The following GALNT9 variants were observed in gnomAD, a reference collection of about 807,000 sequenced individuals.
GALNT9 encodes the protein GalNAc transferase 9.
In GALNT9, 47 loss-of-function variants were observed where a neutral mutation model predicts 63.1. The ratio of observed to expected loss-of-function variants is 0.75; its 90% CI spans 0.59 to 0.95. The LOEUF is 0.95. Among genes scored for constraint, GALNT9 ranks in the 40% least tolerant of loss-of-function variants. The pLI is 0.00. For missense variants in GALNT9, 829 were observed against 874.8 expected, an observed-to-expected ratio of 0.95 and a Z score of 0.66; for synonymous variants, 396 against 365.7, an observed-to-expected ratio of 1.08 and a Z score of -0.94.
At chr12:132,220,531 C>T (rs1469740994) in intron 6 of GALNT9, among the ~76,000 whole-genome samples, 1 of 152,224 alleles carries the variant, frequency 6.6e-6, no homozygotes, top group African/African-American at 2.4e-5. Context: ...CAGTCAGTAA[C>T]TTGAGAAACC....
At position 132,307,336 on chromosome 12, in the gene GALNT9, T is replaced by C. The variant is rs552085489; in HGVS notation, c.239-20906A>G. ...AGTTAACAAATACGCACTGGGTCTA[T>C]CTAGATCTGTTCATTAGGCAGGACA... On this transcript the variant is annotated intron_variant, in intron 1 of 10. Transcript: ENST00000328957. Among the ~76,000 whole-genome samples, 42 of 152,312 alleles carry C rather than the reference T, an allele frequency of 2.8e-4. 1 individual carries two copies. In the South Asian group the frequency reaches 8.3e-3, roughly 30 times the overall value.
chr12:132,326,834 T>C (rs567467414), intron 1 of GALNT9, among the ~76,000 whole-genome samples: 1 of 152,328 alleles, frequency 6.6e-6, no homozygotes, highest in Non-Finnish European at 1.5e-5. Flanking sequence ...CTTTTAGCAC[T>C]GAGAGCCTGT....
chr12:132,244,066 A>T (rs1878594017), intron 6 of GALNT9, among the ~76,000 whole-genome samples: 1 of 150,052 alleles, frequency 6.7e-6, no homozygotes, highest in Non-Finnish European at 1.5e-5. Context: ...GCAGTTCTCG[A>T]CACCGGCAGA....
chr12:132,295,049 C>T (rs1881002254), intron 1 of GALNT9, among the ~76,000 whole-genome samples: 1 of 152,254 alleles, frequency 6.6e-6, no homozygotes. Context: ...AAGACCAAAT[C>T]CCTCTAAACG....
Position 132,329,240 on chromosome 12 carries a change from T to A in GALNT9, c.-37A>T. On this transcript the variant is annotated 5_prime_UTR_variant, in exon 1 of 11. The change abolishes an upstream ATG in the 5' untranslated region. Transcript: ENST00000328957. ...CAGCGGGGGCCTCACCCGCGGGGCA[T>A]CCCCAGCATCCCCGCCCGGGCCTGG... The A allele has an allele frequency of 6.6e-7, 1 of 1,522,966 alleles. No individual in the cohort carries two copies. Among genetic ancestry groups the A allele is most frequent in the Non-Finnish European group, 8.9e-7 (1 of 1,129,380 alleles). 94.3% of individuals were successfully genotyped at this position (1,522,966 alleles called of 1,614,324 possible). A position where few individuals can be genotyped will look rare whatever the true frequency, so the allele number is the denominator to read the frequency against.
chr12:132,264,541 C>T (rs916665673), intron 2 of GALNT9, among the ~76,000 whole-genome samples: 2 of 152,368 alleles, frequency 1.3e-5, no homozygotes, highest in South Asian at 2.1e-4. Flanking sequence ...CTCAGGAAGG[C>T]CTGTCCGCAT....
intron 6 of GALNT9, among the ~76,000 whole-genome samples, chr12:132,243,425 C>G (rs1878545675): frequency 6.6e-6 from 1 of 152,076 alleles, no homozygotes; most frequent in Non-Finnish European, 1.5e-5. Flanking sequence ...TCCTCCTCGT[C>G]TTCCGGAGCT....
chr12:132,309,178 G>T (rs1440624267), intron 1 of GALNT9, among the ~76,000 whole-genome samples: 3 of 152,236 alleles, frequency 2.0e-5, no homozygotes, highest in Non-Finnish European at 4.4e-5. Flanking sequence ...AACCCCCGTA[G>T]ATTTCACCTG....
At chr12:132,205,589 G>A (rs1404804839) in intron 6 of GALNT9, 1 of 152,352 alleles carries the variant, frequency 6.6e-6, no homozygotes, top group East Asian at 1.9e-4. Flanking sequence ...CCGGGATGGT[G>A]GAGTCCGCGG....
chr12:132,324,621 G>C (rs1868954832), intron 1 of GALNT9, among the ~76,000 whole-genome samples: 1 of 152,224 alleles, frequency 6.6e-6, no homozygotes, highest in African/African-American at 2.4e-5. Context: ...TGCTGCTGAA[G>C]CAGATGCCAT....
At chr12:132,226,536 A>T (rs1159732717) in intron 6 of GALNT9, among the ~76,000 whole-genome samples, 1 of 144,058 alleles carries the variant, frequency 6.9e-6, no homozygotes, top group Admixed American at 6.9e-5. Context: ...CACATACACA[A>T]CACACAACCC....
rs1555240125 is a variant in GALNT9, at chr12:132,265,803, TAC to T, written c.420-3180_420-3179del. On this transcript the variant is annotated intron_variant, in intron 2 of 10. Coordinates refer to ENST00000328957, the MANE Select transcript of GALNT9 (RefSeq NM_001122636.2). The surrounding 1 kb of genome is among the most constrained non-coding windows in gnomAD (Gnocchi z 5.3). ...GGCCAGGGGCTTCTCCAGGACACTG[TAC>T]ACACAGTTACACTCCAAGTTCAGCT... Among the ~76,000 whole-genome samples, 1 of 152,218 alleles carries T rather than the reference TAC, an allele frequency of 6.6e-6. No individual in the cohort carries two copies. Among genetic ancestry groups the T allele is most frequent in the African/African-American group, 2.4e-5 (1 of 41,454 alleles).
Position 132,252,644 on chromosome 12 carries a change from C to T in GALNT9, c.960-4617G>A, listed in dbSNP as rs995436512. Among the ~76,000 whole-genome samples, 3 of 151,980 alleles carry T rather than the reference C, an allele frequency of 2.0e-5. No homozygotes were observed. Among genetic ancestry groups the T allele is most frequent in the African/African-American group, 7.3e-5 (3 of 41,362 alleles). On this transcript the variant is annotated intron_variant, in intron 5 of 10. Coordinates refer to ENST00000328957, the MANE Select transcript of GALNT9 (RefSeq NM_001122636.2). This position sits in a 1 kb window ranked among gnomAD's most constrained non-coding sequence, Gnocchi z 5.2. ...CTGTAATCCCAGCACTTTGGGAGGCCGAGGCAGGCGGATCACCTGAGGTCG... is the reference window on the plus strand; with the variant it reads ...CTGTAATCCCAGCACTTTGGGAGGCTGAGGCAGGCGGATCACCTGAGGTCG...
At chr12:132,240,733 G>T (rs2136899335) in intron 6 of GALNT9, 77 of 455,666 alleles carry the variant, frequency 1.7e-4, no homozygotes, top group African/African-American at 1.5e-3. Flanking sequence ...TGTTTCCTGG[G>T]AAGTTACCAG....
chr12:132,214,352 G>C (rs1028350098), intron 6 of GALNT9, among the ~76,000 whole-genome samples: 4 of 152,194 alleles, frequency 2.6e-5, no homozygotes, highest in African/African-American at 9.7e-5. Flanking sequence ...CATATTTTCT[G>C]TATCTGATGC....
chr12:132,227,836 C>A (rs1877754124), intron 6 of GALNT9, among the ~76,000 whole-genome samples: 1 of 152,098 alleles, frequency 6.6e-6, no homozygotes, highest in Admixed American at 6.5e-5. Context: ...CTTCTGAAGA[C>A]CCCTCGTGCT....
In GALNT9 at chr12:132,262,482, A is replaced by G; in HGVS notation, c.563T>C (p.Leu188Pro). 1.3e-6 allele frequency: 2 copies of G among 1,550,890 alleles called. No individual in the cohort carries two copies. The highest frequency in any genetic ancestry group is 1.7e-6 in the Non-Finnish European group (2 of 1,146,690). The change falls in exon 3 of 11, where the codon CTG (leucine) becomes CCG (proline). Residue 188 changes from leucine (L) to proline (P), a missense_variant. Leu to Pro is a moderately conservative substitution (Grantham distance 98). Coordinates refer to ENST00000328957, the MANE Select transcript of GALNT9 (RefSeq NM_001122636.2). Reference protein sequence around the residue: ...TPSQLLKEVILVDDNSDNVEL... With the variant: ...TPSQLLKEVIPVDDNSDNVEL... Reference sequence around the variant, plus strand: ...ACCGTTGTCACTGTTGTCGTCCACCAGGATGACCTCCTTGAGGAGCTGGGA... The same window carrying G: ...ACCGTTGTCACTGTTGTCGTCCACCGGGATGACCTCCTTGAGGAGCTGGGA...
chr12:132,291,382 ACGTC>A (rs1555242735), intron 1 of GALNT9, among the ~76,000 whole-genome samples: 1 of 120,960 alleles, frequency 8.3e-6, no homozygotes, highest in Non-Finnish European at 1.7e-5. Flanking sequence ...CACAGCACCC[ACGTC>A]CACAGCACCC....
rs1013783163 is a variant in GALNT9, at chr12:132,279,409, G to C, written c.419+6841C>G. 1.3e-5 allele frequency: 2 copies of C among 152,378 alleles called. No homozygotes were observed. Among genetic ancestry groups the C allele is most frequent in the African/African-American group, 2.4e-5 (1 of 41,454 alleles). 9.4% of individuals were successfully genotyped at this position (152,378 alleles called of 1,614,324 possible). ...GACTTGGAGCGTGAGGACAGAGCTG[G>C]GCCGGTTCCTCCCTGGGATCTCCCC... On this transcript the variant is annotated intron_variant, in intron 2 of 10. Transcript: ENST00000328957. This position sits in a 1 kb window ranked among gnomAD's most constrained non-coding sequence, Gnocchi z 4.1.
Sources: allele counts gnomAD v4.1 joint callset (sites outside exome capture counted in the v4.1 genomes callset), GRCh38; gene constraint gnomAD v4.1.1; non-coding constraint Gnocchi (gnomAD v3.1); transcripts MANE v1.5; gene names NCBI Gene and HGNC (gene_info 2026-07-23, HGNC 2026-07-21).